PCDH19: variants seen among roughly 807,000 people sequenced by gnomAD.
The protein encoded by PCDH19 is protocadherin-19.
Under a neutral mutation model 46.2 loss-of-function variants are expected in PCDH19, and 6 were observed. The observed-to-expected ratio is 0.13, with a 90% confidence interval of 0.07 to 0.26. PCDH19 has a LOEUF of 0.26. Among genes scored for constraint, PCDH19 ranks in the 10% least tolerant of loss-of-function variants. The pLI is 1.00. For missense variants in PCDH19, 740 were observed against 972.3 expected, an observed-to-expected ratio of 0.76 and a Z score of 3.18; for synonymous variants, 481 against 415.7, an observed-to-expected ratio of 1.16 and a Z score of -1.91.
intron 5 of PCDH19, among the ~76,000 whole-genome samples, chrX:100,317,516 G>C (rs997915960): frequency 4.6e-5 from 5 of 108,786 alleles, no homozygotes; most frequent in Admixed American, 4.0e-4. Flanking sequence ...GCCAATAAAA[G>C]TTCGGTCCAG....
At position 100,295,475 on chromosome X, in the gene PCDH19, T is replaced by C. The variant is rs1209566426; in HGVS notation, c.*802A>G. 1.8e-5 allele frequency: 2 copies of C among 112,260 alleles called. No homozygotes were observed. The highest frequency in any genetic ancestry group is 3.8e-5 in the Non-Finnish European group (2 of 53,284). The allele number at this position is 112,260 out of a possible 1,213,427, so 9.3% of individuals were successfully genotyped here. The stretch of plus-strand genomic sequence containing the variant: ...ACCACTGAAAGGCAGGAAAAATACT[T>C]TGCAAAGTGGTGAGCAATCACTACA... On this transcript the variant is annotated 3_prime_UTR_variant, in exon 6 of 6. Coordinates refer to ENST00000373034, the MANE Select transcript of PCDH19 (RefSeq NM_001184880.2).
intron 3 of PCDH19, among the ~76,000 whole-genome samples, chrX:100,379,306 C>CAT (rs1362345745): frequency 1.1e-3 from 4 of 3,490 alleles, no homozygotes; most frequent in East Asian, 0.045. Flanking sequence ...CTGTCACATA[C>CAT]ACACACACAC....
intron 3 of PCDH19, among the ~76,000 whole-genome samples, chrX:100,376,677 GA>G (rs1362953130): frequency 2.1e-5 from 2 of 93,508 alleles, no homozygotes; most frequent in Non-Finnish European, 4.6e-5. Context: ...CAGTAACTTA[GA>G]TTTTTTTCTT....
Position 100,408,578 on chromosome X carries a change from G to C in PCDH19, c.20C>G (p.Pro7Arg). 2 of 1,175,561 alleles carry C rather than the reference G, an allele frequency of 1.7e-6. No homozygotes were observed. Among genetic ancestry groups the C allele is most frequent in the South Asian group, 1.9e-5 (1 of 53,729 alleles). Residue 7 changes from proline (P) to arginine (R), a missense_variant, in exon 1 of 6, where the codon CCG becomes CGG. Pro to Arg is a moderately radical substitution (Grantham distance 103). Transcript: ENST00000373034. MESLLL[P>R]VLLLLAILWT... Reference sequence around the variant, plus strand: ...CAGTATGGCCAGCAGCAGCAGCACCGGCAGCAGGAGCGACTCCATGGCTGC... The same window carrying C: ...CAGTATGGCCAGCAGCAGCAGCACCCGCAGCAGGAGCGACTCCATGGCTGC...
chrX:100,309,006 T>G (rs1602574966), intron 5 of PCDH19, among the ~76,000 whole-genome samples: 1 of 111,598 alleles, frequency 9.0e-6, no homozygotes, highest in South Asian at 3.7e-4. Flanking sequence ...GATCCAGCAA[T>G]CCCACTACTA....
At chrX:100,400,794 T>C (rs1288933586) in intron 3 of PCDH19, among the ~76,000 whole-genome samples, 1 of 112,350 alleles carries the variant, frequency 8.9e-6, no homozygotes, top group Non-Finnish European at 1.9e-5. Flanking sequence ...AAGCAATCAA[T>C]GTAAGTGGTC....
At chrX:100,346,282 A>C (rs1268700508) in intron 4 of PCDH19, among the ~76,000 whole-genome samples, 2 of 112,593 alleles carry the variant, frequency 1.8e-5, no homozygotes, top group East Asian at 5.6e-4. Context: ...CTCAGAATGG[A>C]AACAGGTTAT....
chrX:100,336,283 G>A (rs1399141726), intron 5 of PCDH19, among the ~76,000 whole-genome samples: 1 of 111,742 alleles, frequency 8.9e-6, no homozygotes, highest in Non-Finnish European at 1.9e-5. Flanking sequence ...TGAGTCGGGG[G>A]ACAGATAAGA....
intron 3 of PCDH19, among the ~76,000 whole-genome samples, chrX:100,397,215 CTATTTTTTTTCAAAGCCTAACTGA>C (rs896738310): frequency 1.8e-5 from 2 of 112,088 alleles, no homozygotes; most frequent in African/African-American, 6.5e-5. Flanking sequence ...GTGTACTGGG[CTATTTTTTTTCAAAGCCTAACTGA>C]TGTTTTATTT....
chrX:100,401,078 G>A (rs1251454542), intron 3 of PCDH19, among the ~76,000 whole-genome samples: 4 of 111,532 alleles, frequency 3.6e-5, no homozygotes, highest in African/African-American at 9.8e-5. Context: ...AGGATCAAAC[G>A]AAACAATGTT....
chrX:100,394,350 C>T (rs1359113063), intron 3 of PCDH19, among the ~76,000 whole-genome samples: 1 of 111,571 alleles, frequency 9.0e-6, no homozygotes, highest in Non-Finnish European at 1.9e-5. Flanking sequence ...TCATTTTTTC[C>T]CCATTCTGAA....
intron 3 of PCDH19, among the ~76,000 whole-genome samples, chrX:100,351,269 G>A (rs1254371120): frequency 1.8e-5 from 2 of 112,633 alleles, no homozygotes; most frequent in South Asian, 3.6e-4. Context: ...GCCTAAAACA[G>A]GGTGAAGGGC....
At position 100,410,263 on chromosome X, in the gene PCDH19, C is replaced by G. The variant is rs1361637565; in HGVS notation, c.-1666G>C. ...CTGCTGCTGCTGCTCCTCCGGATGC[C>G]GCAAACTACTGGCCGCGGAGTCTGG... is the stretch of plus-strand genomic sequence containing the variant. On this transcript the variant is annotated 5_prime_UTR_variant, in exon 1 of 6. Transcript: ENST00000373034. 2 of 297,876 alleles carry G rather than the reference C, an allele frequency of 6.7e-6. No individual in the cohort carries two copies. The highest frequency in any genetic ancestry group is 5.9e-6 in the Non-Finnish European group (1 of 170,488). 24.5% of individuals were successfully genotyped at this position (297,876 alleles called of 1,213,427 possible).
chrX:100,323,949 T>C (rs1258437915), intron 5 of PCDH19, among the ~76,000 whole-genome samples: 2 of 110,731 alleles, frequency 1.8e-5, no homozygotes, highest in Non-Finnish European at 3.8e-5. Context: ...AGGAAGAAGA[T>C]AGGGGAAAGG....
chrX:100,348,091 G>C (rs1197277687), intron 4 of PCDH19, among the ~76,000 whole-genome samples: 1 of 98,474 alleles, frequency 1.0e-5, no homozygotes, highest in Admixed American at 1.1e-4. Flanking sequence ...AAAAAAGAAA[G>C]AAAGAAAGAA....
At chrX:100,338,480 C>T in intron 5 of PCDH19, among the ~76,000 whole-genome samples, 1 of 102,669 alleles carries the variant, frequency 9.7e-6, no homozygotes, top group South Asian at 4.8e-4. Flanking sequence ...AGAGATCGCA[C>T]CAGTGCACTC....
At chrX:100,320,154 C>T (rs1458462207) in intron 5 of PCDH19, among the ~76,000 whole-genome samples, 1 of 111,902 alleles carries the variant, frequency 8.9e-6, no homozygotes, top group Non-Finnish European at 1.9e-5. Flanking sequence ...AGATTTCCCA[C>T]CTTGCCCTGG....
intron 3 of PCDH19, among the ~76,000 whole-genome samples, chrX:100,401,992 T>G (rs1440753407): frequency 8.9e-6 from 1 of 112,319 alleles, no homozygotes; most frequent in East Asian, 2.8e-4. Flanking sequence ...AAGTGGCTTT[T>G]TAATTTTTTT....
chrX:100,392,041 C>A (rs939787508), intron 3 of PCDH19, among the ~76,000 whole-genome samples: 5 of 111,690 alleles, frequency 4.5e-5, no homozygotes, highest in African/African-American at 1.3e-4. Flanking sequence ...TTTACAGGTA[C>A]GGATTTTTCT....
Sources: allele counts gnomAD v4.1 joint callset (sites outside exome capture counted in the v4.1 genomes callset), GRCh38; gene constraint gnomAD v4.1.1; transcripts MANE v1.5; gene names NCBI Gene and HGNC (gene_info 2026-07-23, HGNC 2026-07-21).